The following POC1B variants were observed in gnomAD, a reference collection of about 807,000 sequenced individuals.
POC1B encodes the protein POC1 centriolar protein homolog B.
Under a neutral mutation model 60.6 loss-of-function variants are expected in POC1B, and 44 were observed. The ratio of observed to expected loss-of-function variants is 0.73; its 90% CI spans 0.57 to 0.93. The LOEUF is 0.93. Among genes scored for constraint, POC1B ranks in the 40% least tolerant of loss-of-function variants. The pLI is 0.00. For missense variants in POC1B, 555 were observed against 572.3 expected, an observed-to-expected ratio of 0.97 and a Z score of 0.31; for synonymous variants, 180 against 198.9, an observed-to-expected ratio of 0.90 and a Z score of 0.80.
At chr12:89,485,933 C>G (rs1868612025) in intron 4 of POC1B, among the ~76,000 whole-genome samples, 1 of 152,158 alleles carries the variant, frequency 6.6e-6, no homozygotes, top group Non-Finnish European at 1.5e-5. Flanking sequence ...CTTGAACACT[C>G]TCCTGACACC....
At chr12:89,430,790 C>T (rs574943873) in intron 10 of POC1B, among the ~76,000 whole-genome samples, 8 of 152,216 alleles carry the variant, frequency 5.3e-5, no homozygotes, top group African/African-American at 1.9e-4. Context: ...AGGTGCTTGG[C>T]ATAGCACATG....
intron 2 of POC1B, chr12:89,523,961 G>C (rs1451210682): frequency 6.2e-7 from 1 of 1,613,780 alleles, no homozygotes; most frequent in Non-Finnish European, 8.5e-7. Flanking sequence ...CTAATCAAGC[G>C]TACTCTATCA....
rs754954997 is a variant in POC1B, at chr12:89,459,623, A to AC, written c.1113+14_1113+15insG. The AC allele has an allele frequency of 1.5e-4, 215 of 1,395,800 alleles. 1 individual carries two copies. Among genetic ancestry groups the AC allele is most frequent in the Admixed American group, 4.4e-4 (18 of 40,578 alleles). 86.5% of individuals were successfully genotyped at this position (1,395,800 alleles called of 1,614,324 possible). On this transcript the variant is annotated intron_variant, in intron 10 of 11. Transcript: ENST00000313546. ...CCACTTAAGTGTCAAAAAAAAAAAA[A>AC]AAAACCCGACTTACTGTGGTAGAAT...
At chr12:89,449,533 C>A (rs1164208284) in intron 10 of POC1B, among the ~76,000 whole-genome samples, 1 of 152,054 alleles carries the variant, frequency 6.6e-6, no homozygotes, top group Non-Finnish European at 1.5e-5. Context: ...GGAAACAATT[C>A]CCTAAATATA....
chr12:89,463,285 T>G (rs1882544919), intron 9 of POC1B, among the ~76,000 whole-genome samples: 1 of 152,222 alleles, frequency 6.6e-6, no homozygotes, highest in African/African-American at 2.4e-5. Context: ...AATCCCTGCT[T>G]ACAATATTCT....
chr12:89,474,730 A>G (rs1472565329), intron 4 of POC1B, among the ~76,000 whole-genome samples: 4 of 152,144 alleles, frequency 2.6e-5, no homozygotes, highest in African/African-American at 9.7e-5. Flanking sequence ...ACAAAAAGGA[A>G]AGTGTCTTCT....
At chr12:89,417,674 G>A (rs1880385506), downstream of POC1B, among the ~76,000 whole-genome samples, 1 of 152,220 alleles carries the variant, frequency 6.6e-6, no homozygotes, top group Non-Finnish European at 1.5e-5. Context: ...CAGCTAGGAA[G>A]ACAGATATAG....
chr12:89,517,798 CTT>C (rs1265319937), intron 2 of POC1B, among the ~76,000 whole-genome samples: 2 of 152,338 alleles, frequency 1.3e-5, no homozygotes, highest in African/African-American at 4.8e-5. Flanking sequence ...AGCACATCTG[CTT>C]TCTTCCCCTC....
intron 2 of POC1B, chr12:89,501,028 A>G: frequency 9.6e-7 from 1 of 1,038,012 alleles, no homozygotes; most frequent in Non-Finnish European, 1.5e-6. Context: ...GATAAGTCAG[A>G]TCAAAGTTTT....
At chr12:89,496,666 GACCTTAC>G (rs1299020996) in intron 3 of POC1B, among the ~76,000 whole-genome samples, 2 of 152,180 alleles carry the variant, frequency 1.3e-5, no homozygotes, top group Non-Finnish European at 2.9e-5. Context: ...TAACGCATAT[GACCTTAC>G]ACAAATTCAA....
intron 9 of POC1B, among the ~76,000 whole-genome samples, chr12:89,462,042 T>C (rs1000165935): frequency 6.6e-6 from 1 of 152,062 alleles, no homozygotes; most frequent in Non-Finnish European, 1.5e-5. Context: ...TCAAGAAATC[T>C]AAATCACGTA....
chr12:89,408,791 T>A, the POC1B span, among the ~76,000 whole-genome samples: 1 of 152,168 alleles, frequency 6.6e-6, no homozygotes, highest in East Asian at 1.9e-4. Flanking sequence ...CTGGCCTGTT[T>A]CCTGACTTTT....
intron 4 of POC1B, among the ~76,000 whole-genome samples, chr12:89,476,913 C>T (rs1215997507): frequency 6.6e-6 from 1 of 152,082 alleles, no homozygotes; most frequent in African/African-American, 2.4e-5. Flanking sequence ...CCGTAAGACA[C>T]AAATCATTAG....
chr12:89,512,959 T>C (rs1192315633), intron 2 of POC1B, among the ~76,000 whole-genome samples: 1 of 152,206 alleles, frequency 6.6e-6, no homozygotes, highest in African/African-American at 2.4e-5. Flanking sequence ...AAAGGGAATT[T>C]ATGAATTATC....
Position 89,514,852 on chromosome 12 carries a change from A to G in POC1B, c.100+10268T>C, listed in dbSNP as rs1448902916. On this transcript the variant is annotated intron_variant, in intron 2 of 11. Coordinates refer to ENST00000313546, the MANE Select transcript of POC1B (RefSeq NM_172240.3). ...AAGCCTCAAGCCTCTCTGGTCATTA[A>G]GCATTGTGCAATCTCTCACTCCCAT... is the stretch of plus-strand genomic sequence containing the variant. 3.3e-5 allele frequency among the ~76,000 whole-genome samples: 5 copies of G among 152,130 alleles called. No homozygotes were observed. The East Asian group carries it at 9.6e-4, about 29-fold the overall frequency.
chr12:89,517,582 A>G (rs1279932484), intron 2 of POC1B, among the ~76,000 whole-genome samples: 1 of 152,088 alleles, frequency 6.6e-6, no homozygotes, highest in East Asian at 1.9e-4. Context: ...GCAGTGAGCC[A>G]AGATCACACC....
At chr12:89,467,774 A>G (rs1882740036) in intron 7 of POC1B, 89 bp from the exon 8 acceptor site, 4 of 955,474 alleles carry the variant, frequency 4.2e-6, no homozygotes, top group African/African-American at 1.6e-5. Context: ...TCTCATCCTA[A>G]TTTATGCATA....
At chr12:89,460,183 T>C (rs1882432622) in intron 9 of POC1B, 1 of 189,842 alleles carries the variant, frequency 5.3e-6, no homozygotes. Context: ...CCAAAATCAA[T>C]ATATGAAATC....
At chr12:89,489,076 T>C (rs1868803573) in intron 4 of POC1B, among the ~76,000 whole-genome samples, 1 of 152,170 alleles carries the variant, frequency 6.6e-6, no homozygotes, top group African/African-American at 2.4e-5. Context: ...CGTTATCTCC[T>C]TAGTTGGGAA....
Sources: gnomAD v4.1 joint callset for allele counts (sites outside exome capture counted in the v4.1 genomes callset) on GRCh38, gnomAD v4.1.1 for gene constraint, MANE v1.5 for transcripts, NCBI Gene and HGNC (gene_info 2026-07-23, HGNC 2026-07-21) for gene names.